PGPEP1L: variants seen among roughly 807,000 people sequenced by gnomAD.
The protein encoded by PGPEP1L is pyroglutamyl-peptidase 1-like protein.
A neutral mutation model predicts 6.0 loss-of-function variants in PGPEP1L; 7 were observed. That is an observed-to-expected ratio of 1.17 (90% confidence interval 0.66 to 2.19). The LOEUF is 2.19. Ranked by LOEUF, PGPEP1L falls within the 30% of genes most tolerant of loss-of-function variation. PGPEP1L has a pLI of 0.00. For missense variants in PGPEP1L, 209 were observed against 192.5 expected (o/e 1.09, Z -0.51); for synonymous variants, 103 against 83.9 (o/e 1.23, Z -1.24).
chr15:98,980,449 AC>A (rs2017641460), intron 2 of PGPEP1L, among the ~76,000 whole-genome samples: 5 of 28,448 alleles, frequency 1.8e-4, no homozygotes, highest in Non-Finnish European at 3.5e-4. Flanking sequence ...TAATGAAATG[AC>A]TACATACATA....
In PGPEP1L at chr15:98,971,122, C is replaced by T. The variant is rs1179883654; in HGVS notation, c.-105G>A. ...GGCAGCTCCAGAGTCCGCAGCTGCA[C>T]CACTGTTTCATTCCCCAGGCCCAGC... is the stretch of plus-strand genomic sequence containing the variant. On this transcript the variant is annotated 5_prime_UTR_variant, in exon 3 of 5. It adds an upstream start codon to the 5' untranslated region. Coordinates refer to ENST00000535714, the MANE Select transcript of PGPEP1L (RefSeq NM_001167902.2). The T allele has an allele frequency of 1.9e-6, 3 of 1,610,750 alleles. No homozygotes were observed. Among genetic ancestry groups the T allele is most frequent in the South Asian group, 2.2e-5 (2 of 90,980 alleles).
chr15:98,994,848 T>C (rs8024436), intron 2 of PGPEP1L, among the ~76,000 whole-genome samples: 8,812 of 152,314 alleles, frequency 0.058, 365 homozygotes, highest in African/African-American at 0.12. Context: ...TACACAATTA[T>C]AGTGATAATT....
intron 2 of PGPEP1L, among the ~76,000 whole-genome samples, chr15:98,971,689 T>C (rs2017500038): frequency 6.6e-6 from 1 of 152,128 alleles, no homozygotes; most frequent in Non-Finnish European, 1.5e-5. Flanking sequence ...GATACTAACA[T>C]GTAACAAGAA....
rs528378872 is a variant in PGPEP1L at position 98,968,344 on chromosome 15, T to A, written c.*134A>T. On this transcript the variant is annotated 3_prime_UTR_variant, in exon 5 of 5. Transcript: ENST00000535714. Reference sequence around the variant, plus strand: ...CTGACAATAAAATAACCCTTTGTGATTTTGTTGGGCTAATTCAGAGTTTTC... The same window carrying A: ...CTGACAATAAAATAACCCTTTGTGAATTTGTTGGGCTAATTCAGAGTTTTC... 50 of 851,260 alleles carry A rather than the reference T, an allele frequency of 5.9e-5. No individual in the cohort carries two copies. Among genetic ancestry groups the A allele is most frequent in the Non-Finnish European group, 7.7e-5 (42 of 546,658 alleles). The allele number at this position is 851,260 out of a possible 1,614,324, so 52.7% of individuals were successfully genotyped here.
At chr15:98,979,737 C>T (rs2151757811) in intron 2 of PGPEP1L, among the ~76,000 whole-genome samples, 1 of 146,212 alleles carries the variant, frequency 6.8e-6, no homozygotes, top group East Asian at 2.1e-4. Context: ...CGCAACTCTG[C>T]CTCCCGGGTT....
At chr15:98,993,818 A>G (rs187805627) in intron 2 of PGPEP1L, among the ~76,000 whole-genome samples, 43 of 143,096 alleles carry the variant, frequency 3.0e-4, no homozygotes, top group African/African-American at 1.1e-3. Context: ...AACTTAAAGT[A>G]TAATAAAACA....
chr15:98,998,806 C>T (rs1329593731), intron 2 of PGPEP1L, among the ~76,000 whole-genome samples: 1 of 152,164 alleles, frequency 6.6e-6, no homozygotes, highest in African/African-American at 2.4e-5. Flanking sequence ...GGCGAAACCC[C>T]GTCTCTACTA....
intron 2 of PGPEP1L, among the ~76,000 whole-genome samples, chr15:98,999,525 ATTT>A (rs554450150): frequency 3.3e-5 from 5 of 151,722 alleles, no homozygotes; most frequent in African/African-American, 9.7e-5. Context: ...TAGTTTGACA[ATTT>A]TTTTTTAATT....
chr15:98,986,425 C>A (rs2017747984), intron 2 of PGPEP1L, among the ~76,000 whole-genome samples: 1 of 152,220 alleles, frequency 6.6e-6, no homozygotes, highest in African/African-American at 2.4e-5. Flanking sequence ...ACTCTGGATA[C>A]CAAAGCTAAG....
intron 2 of PGPEP1L, among the ~76,000 whole-genome samples, chr15:99,004,542 A>G (rs2018020375): frequency 6.6e-6 from 1 of 151,812 alleles, no homozygotes; most frequent in African/African-American, 2.4e-5. Context: ...ACATGGTGAA[A>G]CCCCATCTCT....
intron 2 of PGPEP1L, among the ~76,000 whole-genome samples, chr15:99,003,167 G>GAAA (rs553942696): frequency 1.4e-4 from 15 of 106,516 alleles, no homozygotes; most frequent in African/African-American, 4.7e-4. Flanking sequence ...GAAACAGCCA[G>GAAA]AAAAAAAAAA....
At chr15:98,988,010 C>T (rs571042311) in intron 2 of PGPEP1L, among the ~76,000 whole-genome samples, 6 of 152,340 alleles carry the variant, frequency 3.9e-5, no homozygotes, top group South Asian at 4.1e-4. Context: ...GGATTCCCTC[C>T]GGTGCCTAGG....
Position 99,007,560 on chromosome 15 carries a change from G to T in PGPEP1L, c.-571C>A, listed in dbSNP as rs199694450. 1 of 152,104 alleles carries T rather than the reference G, an allele frequency of 6.6e-6. No individual in the cohort carries two copies. Among genetic ancestry groups the T allele is most frequent in the South Asian group, 2.1e-4 (1 of 4,808 alleles). 9.4% of individuals were successfully genotyped at this position (152,104 alleles called of 1,614,324 possible). ...TCGCTGACTTCAGGAGTGAAGCTACGGACCTTCATCATGAGTGCTACGGCT... is the reference window on the plus strand; with the variant it reads ...TCGCTGACTTCAGGAGTGAAGCTACTGACCTTCATCATGAGTGCTACGGCT... On this transcript the variant is annotated 5_prime_UTR_variant, in exon 1 of 5. Transcript: ENST00000535714.
In PGPEP1L at chr15:98,968,331, T is replaced by TAACC. The variant is rs1410745791; in HGVS notation, c.*143_*146dup. ...AGTGTTCTTTCTCCTGACAATAAAA[T>TAACC]AACCCTTTGTGATTTTGTTGGGCTA... On this transcript the variant is annotated 3_prime_UTR_variant, in exon 5 of 5. Coordinates refer to ENST00000535714, the MANE Select transcript of PGPEP1L (RefSeq NM_001167902.2). The TAACC allele has an allele frequency of 2.7e-6, 2 of 751,746 alleles. No homozygotes were observed. The highest frequency in any genetic ancestry group is 5.4e-5 in the East Asian group (2 of 37,030). 46.6% of individuals were successfully genotyped at this position (751,746 alleles called of 1,614,324 possible).
At chr15:98,977,003 CAAAAAAAA>C (rs11385185) in intron 2 of PGPEP1L, among the ~76,000 whole-genome samples, 2 of 128,962 alleles carry the variant, frequency 1.6e-5, no homozygotes, top group Non-Finnish European at 3.3e-5. Context: ...AGTAAAATGG[CAAAAAAAA>C]AAAAAAAAAA....
At chr15:98,985,293 C>T (rs566733906) in intron 2 of PGPEP1L, among the ~76,000 whole-genome samples, 1 of 152,302 alleles carries the variant, frequency 6.6e-6, no homozygotes, top group South Asian at 2.1e-4. Context: ...AATCCTAGCA[C>T]TTTGGGAGGC....
At chr15:98,977,733 G>A (rs530942863) in intron 2 of PGPEP1L, among the ~76,000 whole-genome samples, 2 of 152,250 alleles carry the variant, frequency 1.3e-5, no homozygotes, top group East Asian at 3.9e-4. Flanking sequence ...ATCCTTTTTG[G>A]TCTATGTGTT....
At chr15:98,984,613 T>C (rs970326154) in intron 2 of PGPEP1L, among the ~76,000 whole-genome samples, 3 of 151,906 alleles carry the variant, frequency 2.0e-5, no homozygotes, top group East Asian at 3.9e-4. Context: ...TACAGCCACT[T>C]AGATGATTAT....
intron 2 of PGPEP1L, among the ~76,000 whole-genome samples, chr15:99,004,947 C>G (rs1956389441): frequency 6.6e-6 from 1 of 151,848 alleles, no homozygotes; most frequent in Admixed American, 6.6e-5. Flanking sequence ...AGTTCTTACT[C>G]TGGAAGTGGG....
Sources: allele counts gnomAD v4.1 joint callset (sites outside exome capture counted in the v4.1 genomes callset), GRCh38; gene constraint gnomAD v4.1.1; transcripts MANE v1.5; gene names NCBI Gene and HGNC (gene_info 2026-07-23, HGNC 2026-07-21).